The following SLC24A3 variants were observed in gnomAD, a reference collection of about 807,000 sequenced individuals.
SLC24A3 encodes sodium/potassium/calcium exchanger 3.
In SLC24A3, 28 loss-of-function variants were observed where a neutral mutation model predicts 75.8. The ratio of observed to expected loss-of-function variants is 0.37; its 90% CI spans 0.27 to 0.51. SLC24A3 has a LOEUF of 0.51. SLC24A3 is among the 20% of genes least tolerant of loss of function. The pLI is 0.94. For missense variants in SLC24A3, 663 were observed against 847.8 expected, an observed-to-expected ratio of 0.78 and a Z score of 2.71; for synonymous variants, 372 against 334.1, an observed-to-expected ratio of 1.11 and a Z score of -1.24.
chr20:19,387,392 T>G (rs1262431061), intron 2 of SLC24A3, among the ~76,000 whole-genome samples: 1 of 152,120 alleles, frequency 6.6e-6, no homozygotes, highest in Non-Finnish European at 1.5e-5. Flanking sequence ...ATTCTTTTTT[T>G]CTAATTCCCT....
intron 2 of SLC24A3, among the ~76,000 whole-genome samples, chr20:19,442,512 T>A (rs1230941458): frequency 6.6e-6 from 1 of 152,212 alleles, no homozygotes; most frequent in African/African-American, 2.4e-5. Context: ...ATCTTCTTTG[T>A]CAGAGTGTCT....
At chr20:19,400,790 C>T (rs899058216) in intron 2 of SLC24A3, among the ~76,000 whole-genome samples, 1 of 152,322 alleles carries the variant, frequency 6.6e-6, no homozygotes, top group Middle Eastern at 3.4e-3. Flanking sequence ...AGAGGGATTT[C>T]TAGGGCTCAT....
chr20:19,577,914 A>C (rs2122629668), intron 3 of SLC24A3, among the ~76,000 whole-genome samples: 1 of 152,344 alleles, frequency 6.6e-6, no homozygotes, highest in East Asian at 1.9e-4. Context: ...TGAAAATACT[A>C]GTGCATATGT....
intron 12 of SLC24A3, among the ~76,000 whole-genome samples, chr20:19,690,443 T>A (rs2032732375): frequency 6.6e-6 from 1 of 152,210 alleles, no homozygotes; most frequent in South Asian, 2.1e-4. Context: ...TCTTTTTTTT[T>A]ATTTTCTGAA....
At chr20:19,495,632 C>T (rs1988273880) in intron 2 of SLC24A3, among the ~76,000 whole-genome samples, 1 of 152,198 alleles carries the variant, frequency 6.6e-6, no homozygotes, top group African/African-American at 2.4e-5. Flanking sequence ...TGGTCCATAC[C>T]TTTTGGGTGG....
chr20:19,515,261 A>G (rs2029961889), intron 2 of SLC24A3, among the ~76,000 whole-genome samples: 1 of 152,194 alleles, frequency 6.6e-6, no homozygotes, highest in African/African-American at 2.4e-5. Context: ...TGTTATGAAA[A>G]TATCTGTGGG....
chr20:19,567,357 G>A (rs2030975574), intron 3 of SLC24A3, among the ~76,000 whole-genome samples: 1 of 152,182 alleles, frequency 6.6e-6, no homozygotes, highest in South Asian at 2.1e-4. Context: ...AAAAGAATGA[G>A]GTCATGTCCT....
At chr20:19,501,924 A>G (rs146426530) in intron 2 of SLC24A3, among the ~76,000 whole-genome samples, 56 of 152,272 alleles carry the variant, frequency 3.7e-4, no homozygotes, top group African/African-American at 1.2e-3. Flanking sequence ...GACTCCAGGC[A>G]GCATAAGTTC....
At chr20:19,376,099 GTGTT>G (rs1462677398) in intron 2 of SLC24A3, among the ~76,000 whole-genome samples, 2 of 152,210 alleles carry the variant, frequency 1.3e-5, no homozygotes, top group Admixed American at 1.3e-4. Flanking sequence ...GTGTGAGTGT[GTGTT>G]TGTGTGTGGG....
intron 1 of SLC24A3, among the ~76,000 whole-genome samples, chr20:19,272,282 C>T (rs1465737152): frequency 6.6e-6 from 1 of 152,240 alleles, no homozygotes; most frequent in Non-Finnish European, 1.5e-5. Flanking sequence ...CAGTGAGGGG[C>T]CTTCCTGGTC....
At chr20:19,504,181 G>A (rs966020699) in intron 2 of SLC24A3, among the ~76,000 whole-genome samples, 1 of 152,164 alleles carries the variant, frequency 6.6e-6, no homozygotes, top group Non-Finnish European at 1.5e-5. Context: ...ATTGGCAGTC[G>A]TGGAATAACA....
At chr20:19,376,460 G>T (rs1373910190) in intron 2 of SLC24A3, among the ~76,000 whole-genome samples, 2 of 152,192 alleles carry the variant, frequency 1.3e-5, no homozygotes, top group Non-Finnish European at 2.9e-5. Context: ...ATTGCCTTGT[G>T]CGCTGCTGTA....
At chr20:19,423,852 C>T (rs1986956405) in intron 2 of SLC24A3, among the ~76,000 whole-genome samples, 1 of 152,140 alleles carries the variant, frequency 6.6e-6, no homozygotes, top group Non-Finnish European at 1.5e-5. Flanking sequence ...CGGTAGTCAG[C>T]AGTTCATGTC....
chr20:19,409,564 G>A (rs539446935), intron 2 of SLC24A3, among the ~76,000 whole-genome samples: 3 of 152,288 alleles, frequency 2.0e-5, no homozygotes, highest in African/African-American at 7.2e-5. Context: ...CATTGGAGAA[G>A]GAGTAGGGGA....
chr20:19,292,895 A>T (rs1411885016), intron 2 of SLC24A3, among the ~76,000 whole-genome samples: 1 of 151,996 alleles, frequency 6.6e-6, no homozygotes, highest in Non-Finnish European at 1.5e-5. Context: ...GCGCCTTCTT[A>T]CTCTGTCCTC....
At chr20:19,442,930 C>A (rs1045831089) in intron 2 of SLC24A3, among the ~76,000 whole-genome samples, 2 of 152,168 alleles carry the variant, frequency 1.3e-5, no homozygotes, top group Admixed American at 1.3e-4. Flanking sequence ...ACTTTCCCAG[C>A]ACCATTTATT....
intron 1 of SLC24A3, among the ~76,000 whole-genome samples, chr20:19,235,118 A>G (rs181014589): frequency 2.0e-4 from 31 of 152,330 alleles, no homozygotes; most frequent in African/African-American, 7.2e-4. Flanking sequence ...ATAGTGCTCT[A>G]TCGGGGCCAT....
intron 2 of SLC24A3, among the ~76,000 whole-genome samples, chr20:19,391,751 A>G (rs1323662207): frequency 1.3e-5 from 2 of 152,210 alleles, no homozygotes; most frequent in Non-Finnish European, 2.9e-5. Context: ...GCTGACCCCA[A>G]GAGAGTTTAC....
intron 2 of SLC24A3, among the ~76,000 whole-genome samples, chr20:19,371,671 G>A (rs1238075429): frequency 2.0e-5 from 3 of 152,132 alleles, no homozygotes; most frequent in Non-Finnish European, 4.4e-5. Flanking sequence ...ATGTTTTTTA[G>A]TGGTATATTT....
Sources: gnomAD v4.1 joint callset for allele counts (sites outside exome capture counted in the v4.1 genomes callset) on GRCh38, gnomAD v4.1.1 for gene constraint, MANE v1.5 for transcripts, NCBI Gene and HGNC (gene_info 2026-07-23, HGNC 2026-07-21) for gene names.